Variants in COL19A1 observed in about 807,000 individuals in gnomAD.
COL19A1 encodes the protein collagen type XIX alpha 1 chain, also known as collagen alpha-1(XIX) chain.
COL19A1 carries 159 observed loss-of-function variants against 190.2 expected under a neutral mutation model. That is an observed-to-expected ratio of 0.84 (90% CI 0.73 to 0.95). The LOEUF (loss-of-function observed/expected upper bound fraction) is 0.95, where lower values mean the gene tolerates loss of function less well. Among genes scored for constraint, COL19A1 ranks in the 40% least tolerant of loss-of-function variants. COL19A1 has a pLI of 0.00. For missense variants in COL19A1, 1,418 were observed against 1,431.9 expected, an observed-to-expected ratio of 0.99 and a Z score of 0.16; for synonymous variants, 509 against 458.9, an observed-to-expected ratio of 1.11 and a Z score of -1.39.
intron 49 of COL19A1, among the ~76,000 whole-genome samples, chr6:70,201,397 C>T (rs1040499861): frequency 6.6e-6 from 1 of 152,184 alleles, no homozygotes; most frequent in African/African-American, 2.4e-5. Flanking sequence ...TTCTGTTCAC[C>T]ACTCCACTTG....
chr6:70,147,726 C>T (rs897242608), intron 27 of COL19A1, among the ~76,000 whole-genome samples: 2 of 152,102 alleles, frequency 1.3e-5, no homozygotes, highest in African/African-American at 4.8e-5. Flanking sequence ...TCATGTCTGA[C>T]ACTATCTACC....
At chr6:70,150,936 C>T (rs2150246330) in intron 30 of COL19A1, among the ~76,000 whole-genome samples, 1 of 152,284 alleles carries the variant, frequency 6.6e-6, no homozygotes, top group African/African-American at 2.4e-5. Flanking sequence ...CTTAAGCCAA[C>T]TGTAGGTTCT....
At chr6:69,965,302 CAT>C (rs568112889) in intron 11 of COL19A1, among the ~76,000 whole-genome samples, 71 of 152,162 alleles carry the variant, frequency 4.7e-4, no homozygotes, top group Non-Finnish European at 8.7e-4. Flanking sequence ...TCCAGAAACA[CAT>C]AGTTACGGTC....
intron 14 of COL19A1, among the ~76,000 whole-genome samples, chr6:70,045,826 G>GCTAA (rs1422704972): frequency 6.6e-6 from 1 of 152,124 alleles, no homozygotes; most frequent in African/African-American, 2.4e-5. Flanking sequence ...TTTCTATTTA[G>GCTAA]CTAACCCATG....
At chr6:70,179,754 C>A (rs1046451001) in intron 42 of COL19A1, among the ~76,000 whole-genome samples, 16 of 152,190 alleles carry the variant, frequency 1.1e-4, no homozygotes, top group Non-Finnish European at 2.4e-4. Context: ...AAAATATTCT[C>A]CTCTCCTACT....
chr6:70,154,256 G>C (rs1787294486), intron 31 of COL19A1, among the ~76,000 whole-genome samples: 2 of 151,998 alleles, frequency 1.3e-5, no homozygotes, highest in Non-Finnish European at 2.9e-5. Context: ...ATGGTTTCCA[G>C]CTTCATCCAT....
intron 15 of COL19A1, 21 bp from the exon 16 acceptor site, chr6:70,102,148 C>A: frequency 6.2e-7 from 1 of 1,601,496 alleles, no homozygotes; most frequent in Non-Finnish European, 8.6e-7. Context: ...TATTTATCAT[C>A]TATTCTTCTT....
rs201468147 is a variant in COL19A1 at position 69,898,107 on chromosome 6, T to C, written c.92-841T>C. Among the ~76,000 whole-genome samples, 6 of 152,198 alleles carry C rather than the reference T, an allele frequency of 3.9e-5. No individual in the cohort carries two copies. The East Asian group carries it at 1.2e-3, about 29-fold the overall frequency. ...AGTTATTAAACCCAAACATCAATTT[T>C]AGACATAGAGAATTAAAGTTGTGAT... On this transcript the variant is annotated intron_variant, in intron 2 of 50. Coordinates refer to ENST00000620364, the MANE Select transcript of COL19A1 (RefSeq NM_001858.6).
At chr6:70,197,057 G>A (rs1173634494) in intron 48 of COL19A1, among the ~76,000 whole-genome samples, 3 of 152,048 alleles carry the variant, frequency 2.0e-5, no homozygotes, top group African/African-American at 4.8e-5. Context: ...ATATATTAAA[G>A]AGGAAAAATT....
At chr6:69,987,138 C>G (rs547012086) in intron 11 of COL19A1, among the ~76,000 whole-genome samples, 2 of 152,218 alleles carry the variant, frequency 1.3e-5, no homozygotes, top group South Asian at 4.2e-4. Flanking sequence ...CCAAAGGTGT[C>G]CACTCAAGGC....
rs528358752 is a variant in COL19A1, at chr6:70,152,010, T to C, written c.2079+572T>C. 7.7e-5 allele frequency among the ~76,000 whole-genome samples: 7 copies of C among 90,384 alleles called. No individual in the cohort carries two copies. The South Asian group carries it at 2.7e-3, about 35-fold the overall frequency. 59.3% of individuals were successfully genotyped at this position (90,384 alleles called of 152,430 possible). ...CTATTATCGTCTCAGGGAATTAATC[T>C]TGCTACCTCTTTTTTTTTTTTATCT... On this transcript the variant is annotated intron_variant, in intron 31 of 50. Coordinates refer to ENST00000620364, the MANE Select transcript of COL19A1 (RefSeq NM_001858.6).
chr6:70,154,484 T>C (rs1230871160), intron 31 of COL19A1, among the ~76,000 whole-genome samples: 1 of 152,192 alleles, frequency 6.6e-6, no homozygotes, highest in East Asian at 1.9e-4. Context: ...AGTAATGGGA[T>C]TGCTGTAACC....
At chr6:69,913,225 T>C (rs1771075968) in intron 4 of COL19A1, among the ~76,000 whole-genome samples, 1 of 152,200 alleles carries the variant, frequency 6.6e-6, no homozygotes, top group Admixed American at 6.5e-5. Context: ...AGAAAAAATA[T>C]TTTATGTTAT....
intron 11 of COL19A1, among the ~76,000 whole-genome samples, chr6:70,001,248 A>G (rs987669281): frequency 4.6e-5 from 7 of 152,194 alleles, no homozygotes; most frequent in African/African-American, 1.2e-4. Context: ...TGGTACCAGT[A>G]TCATGCTGTT....
chr6:69,933,388 T>TCTGAGTCA lies in COL19A1; in HGVS notation c.747+529_747+536dup, dbSNP rs534433224. On this transcript the variant is annotated intron_variant, in intron 7 of 50. Coordinates refer to ENST00000620364, the MANE Select transcript of COL19A1 (RefSeq NM_001858.6). Reference sequence around the variant, plus strand: ...TGCTTTGCAGCATAACCAGAATAAGTCTGAGTCACTGCTTTGTATATTCAT... The same window carrying TCTGAGTCA: ...TGCTTTGCAGCATAACCAGAATAAGTCTGAGTCACTGAGTCACTGCTTTGTATATTCAT... 3.0e-4 allele frequency among the ~76,000 whole-genome samples: 45 copies of TCTGAGTCA among 152,210 alleles called. No individual in the cohort carries two copies. In the East Asian group the frequency reaches 8.3e-3, roughly 28 times the overall value.
rs1325807592 is a variant in COL19A1, at chr6:70,144,969, G to A, written c.1732G>A (p.Glu578Lys). Residue 578 changes from glutamate to lysine, a missense_variant, in exon 25 of 51, where the codon GAG (glutamate) becomes AAG (lysine). Glu to Lys is a moderately conservative substitution (Grantham distance 56). Transcript: ENST00000620364. Reference protein sequence around the residue: ...GPPGLPGPKGEAGPPGKSLPG... With the variant: ...GPPGLPGPKGKAGPPGKSLPG... Reference sequence around the variant, plus strand: ...TCCCGGGCTTCCAGGTCCAAAAGGTGAGGCTGGTCCTCCAGGGAAAAGCCT... The same window carrying A: ...TCCCGGGCTTCCAGGTCCAAAAGGTAAGGCTGGTCCTCCAGGGAAAAGCCT... 7 of 1,594,944 alleles carry A rather than the reference G, an allele frequency of 4.4e-6. No homozygotes were observed. The highest frequency in any genetic ancestry group is 2.7e-5 in the African/African-American group (2 of 74,624).
intron 15 of COL19A1, among the ~76,000 whole-genome samples, chr6:70,071,882 C>A (rs1781580124): frequency 6.6e-6 from 1 of 151,924 alleles, no homozygotes; most frequent in African/African-American, 2.4e-5. Context: ...AAATTTGGAA[C>A]AAAGTAAGTG....
At chr6:70,123,621 T>G (rs1480470025) in intron 17 of COL19A1, among the ~76,000 whole-genome samples, 1 of 128,640 alleles carries the variant, frequency 7.8e-6, no homozygotes, top group Non-Finnish European at 1.6e-5. Context: ...TGGAATACTA[T>G]GCAGCCATAA....
In COL19A1 at chr6:69,888,654, G is replaced by A. The variant is rs150891697; in HGVS notation, c.91+8996G>A. ...AAAATTACAAAAAAATTAGCCGGGC[G>A]TGGTGGCTTGTGCCTGTAATCCCAG... On this transcript the variant is annotated intron_variant, in intron 2 of 50. Transcript: ENST00000620364. Among the ~76,000 whole-genome samples, 236 of 152,092 alleles carry A rather than the reference G, an allele frequency of 1.6e-3. 1 individual carries two copies. Among genetic ancestry groups the A allele is most frequent in the Middle Eastern group, 6.8e-3 (2 of 294 alleles).
Sources: gnomAD v4.1 joint callset for allele counts (sites outside exome capture counted in the v4.1 genomes callset) on GRCh38, gnomAD v4.1.1 for gene constraint, MANE v1.5 for transcripts, NCBI Gene and HGNC (gene_info 2026-07-23, HGNC 2026-07-21) for gene names.